Variants in SCAPER observed in about 807,000 individuals in gnomAD.
SCAPER encodes S phase cyclin A-associated protein in the endoplasmic reticulum.
In SCAPER, 98 loss-of-function variants were observed where a neutral mutation model predicts 182.2. The ratio of observed to expected loss-of-function variants is 0.54; its 90% confidence interval spans 0.46 to 0.64. The LOEUF is 0.64. SCAPER is among the 30% of genes least tolerant of loss of function. SCAPER has a pLI of 0.00. For synonymous variants in SCAPER, 605 were observed against 564.6 expected, an observed-to-expected ratio of 1.07 and a Z score of -1.01; for missense variants, 1,432 against 1,690.0, an observed-to-expected ratio of 0.85 and a Z score of 2.68.
chr15:76,575,417 C>T (rs1369226877), intron 22 of SCAPER, among the ~76,000 whole-genome samples: 1 of 152,158 alleles, frequency 6.6e-6, no homozygotes, highest in Non-Finnish European at 1.5e-5. Context: ...TAAGATGATC[C>T]TACATTTCAA....
chr15:76,864,424 T>G (rs2072113333), intron 2 of SCAPER, among the ~76,000 whole-genome samples: 1 of 152,224 alleles, frequency 6.6e-6, no homozygotes, highest in Non-Finnish European at 1.5e-5. Context: ...ATCTTTAACC[T>G]TACAATATCC....
intron 4 of SCAPER, chr15:76,855,905 C>T: frequency 2.4e-6 from 1 of 420,364 alleles, no homozygotes; most frequent in Non-Finnish European, 4.8e-6. Context: ...TTCAACCCAG[C>T]AATCCCATTA....
At chr15:76,850,276 G>T (rs2070600535) in intron 4 of SCAPER, among the ~76,000 whole-genome samples, 1 of 152,170 alleles carries the variant, frequency 6.6e-6, no homozygotes, top group African/African-American at 2.4e-5. Context: ...GCACACTACA[G>T]CCACCATACA....
intron 20 of SCAPER, among the ~76,000 whole-genome samples, chr15:76,671,301 C>T (rs556920865): frequency 6.6e-6 from 1 of 152,200 alleles, no homozygotes; most frequent in Admixed American, 6.5e-5. Flanking sequence ...CCACTGCATT[C>T]CAGTCTGGGC....
intron 26 of SCAPER, among the ~76,000 whole-genome samples, chr15:76,422,251 G>A (rs1390260283): frequency 6.6e-6 from 1 of 152,200 alleles, no homozygotes; most frequent in Non-Finnish European, 1.5e-5. Flanking sequence ...CTATCCATAA[G>A]CATGGAATGT....
Position 76,800,312 on chromosome 15 carries a change from T to A in SCAPER, c.547A>T (p.Ile183Phe). The change falls in exon 7 of 32, where the codon ATT (isoleucine) becomes TTT (phenylalanine). Residue 183 changes from isoleucine (I) to phenylalanine (F), a missense_variant. Physicochemically the swap from Ile to Phe is conservative, Grantham distance 21 (BLOSUM62 0). Transcript: ENST00000563290. ...VKKMSPGRHV[I>F]PSPSTDRINV... ...ATTCTATCTGTTGATGGACTTGGAA[T>A]CACATGGCGTCCCGGAGACATCTTC... is the stretch of plus-strand genomic sequence containing the variant. 6.2e-7 allele frequency: 1 copy of A among 1,613,614 alleles called. No homozygotes were observed. The highest frequency in any genetic ancestry group is 1.1e-5 in the South Asian group (1 of 91,030).
At chr15:76,805,819 G>A (rs533243309) in intron 5 of SCAPER, among the ~76,000 whole-genome samples, 3 of 152,034 alleles carry the variant, frequency 2.0e-5, no homozygotes, top group South Asian at 2.1e-4. Context: ...CACCTGCTTC[G>A]GCCTCCCAAA....
intron 20 of SCAPER, among the ~76,000 whole-genome samples, chr15:76,671,578 G>GCTA (rs2057014625): frequency 6.6e-6 from 1 of 152,022 alleles, no homozygotes; most frequent in Admixed American, 6.6e-5. Flanking sequence ...GACCATCCTG[G>GCTA]CTAACACGGT....
chr15:76,542,365 A>G (rs2044836761), intron 23 of SCAPER, among the ~76,000 whole-genome samples: 1 of 151,840 alleles, frequency 6.6e-6, no homozygotes, highest in Non-Finnish European at 1.5e-5. Context: ...TCTACTAAAA[A>G]TACAAAAATT....
At chr15:76,415,049 A>G (rs146066147) in intron 26 of SCAPER, among the ~76,000 whole-genome samples, 1 of 152,168 alleles carries the variant, frequency 6.6e-6, no homozygotes, top group Non-Finnish European at 1.5e-5. Flanking sequence ...ACAATGCTCA[A>G]CCTCACTAGT....
intron 8 of SCAPER, chr15:76,793,090 C>A (rs2065102546): frequency 5.7e-6 from 3 of 527,548 alleles, no homozygotes; most frequent in Admixed American, 4.1e-5. Context: ...TCATTTTATA[C>A]CATTTTAGCT....
chr15:76,418,102 C>T (rs1408993784), intron 26 of SCAPER, among the ~76,000 whole-genome samples: 3 of 152,152 alleles, frequency 2.0e-5, no homozygotes, highest in African/African-American at 7.2e-5. Context: ...GGTTGTCCCC[C>T]TCCACCCCAA....
intron 24 of SCAPER, among the ~76,000 whole-genome samples, chr15:76,479,592 C>T (rs2050937494): frequency 6.6e-6 from 1 of 151,944 alleles, no homozygotes; most frequent in Admixed American, 6.6e-5. Context: ...GGTCTTTTGA[C>T]AATAAGTGCA....
At chr15:76,707,512 T>C (rs1402739028) in intron 17 of SCAPER, among the ~76,000 whole-genome samples, 7 of 152,062 alleles carry the variant, frequency 4.6e-5, no homozygotes, top group African/African-American at 1.4e-4. Context: ...GAAATATTTT[T>C]TAAAAATTAA....
intron 1 of SCAPER, among the ~76,000 whole-genome samples, chr15:76,893,727 G>C (rs1439639597): frequency 6.6e-6 from 1 of 152,126 alleles, no homozygotes; most frequent in African/African-American, 2.4e-5. Flanking sequence ...TATCTTTTCT[G>C]ACCACAATGG....
intron 22 of SCAPER, among the ~76,000 whole-genome samples, chr15:76,588,036 C>T (rs947242555): frequency 6.6e-6 from 1 of 152,118 alleles, no homozygotes; most frequent in Non-Finnish European, 1.5e-5. Context: ...ATTCTCCTGC[C>T]TCAGCCTCCC....
At chr15:76,615,270 C>A (rs2051346363) in intron 22 of SCAPER, among the ~76,000 whole-genome samples, 1 of 151,798 alleles carries the variant, frequency 6.6e-6, no homozygotes, top group African/African-American at 2.4e-5. Context: ...CGTGGTAAGA[C>A]CCCCTCCCTA....
chr15:76,352,642 G>A (rs999917364), intron 30 of SCAPER, among the ~76,000 whole-genome samples: 10 of 151,664 alleles, frequency 6.6e-5, no homozygotes, highest in Non-Finnish European at 1.2e-4. Flanking sequence ...CAGAGACGGC[G>A]TTTTACTATG....
intron 23 of SCAPER, among the ~76,000 whole-genome samples, chr15:76,533,481 T>C (rs535190872): frequency 5.3e-5 from 8 of 152,118 alleles, no homozygotes; most frequent in Non-Finnish European, 7.4e-5. Flanking sequence ...CTAGGAGCAA[T>C]AGAGTATACC....
Sources: allele counts gnomAD v4.1 joint callset (sites outside exome capture counted in the v4.1 genomes callset), GRCh38; gene constraint gnomAD v4.1.1; transcripts MANE v1.5; gene names NCBI Gene and HGNC (gene_info 2026-07-23, HGNC 2026-07-21).